NLRP11: variants seen among roughly 807,000 people sequenced by gnomAD.
The protein encoded by NLRP11 is NLR family pyrin domain containing 11, also known as NACHT, LRR and PYD domains-containing protein 11.
Under a neutral mutation model 79.3 loss-of-function variants are expected in NLRP11, and 53 were observed. That is an observed-to-expected ratio of 0.67 (90% CI 0.54 to 0.84). The LOEUF (loss-of-function observed/expected upper bound fraction) is 0.84. NLRP11 is among the 40% of genes least tolerant of loss of function. The pLI is 0.00. For synonymous variants in NLRP11, 518 were observed against 462.6 expected, an observed-to-expected ratio of 1.12 and a Z score of -1.54; for missense variants, 1,264 against 1,255.0, an observed-to-expected ratio of 1.01 and a Z score of -0.11.
intron 1 of NLRP11, among the ~76,000 whole-genome samples, chr19:55,822,717 C>T (rs1201149864): frequency 2.6e-5 from 4 of 152,170 alleles, no homozygotes; most frequent in East Asian, 1.9e-4. Context: ...GCTTAAAAAA[C>T]GGCGCACCAT....
intron 7 of NLRP11, among the ~76,000 whole-genome samples, 158 bp downstream of exon 7, chr19:55,792,143 T>C (rs1990268664): frequency 6.6e-6 from 1 of 152,176 alleles, no homozygotes; most frequent in African/African-American, 2.4e-5. Flanking sequence ...CAATGAATCT[T>C]ACCGTGCTTT....
chr19:55,792,384 C>T lies in NLRP11; in HGVS notation c.2430G>A (p.Leu810=), dbSNP rs150579936. ...CGTAATTTTTTAAGCGATTCACACA[C>T]AGGTCTAGTTGTCTTAGAGTTGGGC... The change falls in exon 7 of 10, where the codon CTG becomes CTA. Residue 810 remains leucine, a synonymous_variant. Coordinates refer to ENST00000589093, the Ensembl canonical transcript of NLRP11. The T allele has an allele frequency of 6.2e-6, 10 of 1,614,042 alleles. No individual in the cohort carries two copies. In the African/African-American group the frequency reaches 1.2e-4, roughly 19 times the overall value.
rs1163722141 is a variant in NLRP11, at chr19:55,788,796, A to C, written c.2855+11T>G. ...AATTTTCCCCATCACCAAGGAAAAT[A>C]AGCAACTTACCCAACTACCTTAAGT... On this transcript the variant is annotated intron_variant, in intron 9 of 9. Coordinates refer to ENST00000589093, the Ensembl canonical transcript of NLRP11. The C allele has an allele frequency of 6.4e-7, 1 of 1,568,200 alleles. No homozygotes were observed. The highest frequency in any genetic ancestry group is 8.6e-7 in the Non-Finnish European group (1 of 1,156,390).
chr19:55,791,475 C>T (rs971673947), intron 7 of NLRP11, among the ~76,000 whole-genome samples: 24 of 152,192 alleles, frequency 1.6e-4, no homozygotes, highest in African/African-American at 5.5e-4. Flanking sequence ...AGATACCATA[C>T]TGCTGAGCAT....
At chr19:55,807,168 A>G (rs1980079041) in intron 4 of NLRP11, among the ~76,000 whole-genome samples, 1 of 152,114 alleles carries the variant, frequency 6.6e-6, no homozygotes, top group Non-Finnish European at 1.5e-5. Context: ...AGCACCTCAA[A>G]CAAAGTAGGC....
At chr19:55,792,346 A>G (rs754582932) in exon 7 of NLRP11, 1 of 1,614,160 alleles carries the variant, frequency 6.2e-7, no homozygotes, top group South Asian at 1.1e-5. Flanking sequence ...GGGAAACGTC[A>G]CATGCAACAC....
intron 6 of NLRP11, among the ~76,000 whole-genome samples, chr19:55,794,132 C>A (rs1465265378): frequency 6.6e-6 from 1 of 152,138 alleles, no homozygotes; most frequent in African/African-American, 2.4e-5. Flanking sequence ...TCCATGCCAA[C>A]AATCTAAGGT....
intron 1 of NLRP11, among the ~76,000 whole-genome samples, chr19:55,829,660 A>G (rs955767328): frequency 9.5e-5 from 2 of 21,030 alleles, no homozygotes; most frequent in African/African-American, 3.2e-4. Context: ...CTCCGTCTCA[A>G]AAAAAAAAAA....
chr19:55,809,202 G>T lies in NLRP11; in HGVS notation c.1408C>A (p.Leu470Met). The T allele has an allele frequency of 6.2e-7, 1 of 1,613,722 alleles. No homozygotes were observed. Among genetic ancestry groups the T allele is most frequent in the South Asian group, 1.1e-5 (1 of 91,076 alleles). ...TACTCTCTGCTGCCTGAGGGGATCA[G>T]ATAGTTGGGTACTGCCATCAGAAAT... The change falls in exon 3 of 10, where the codon CTG (leucine) becomes ATG (methionine). Residue 470 changes from leucine to methionine, a missense_variant. By Grantham distance (15) the Leu-to-Met change is conservative. Coordinates refer to ENST00000589093, the Ensembl canonical transcript of NLRP11. This position sits in a 1 kb window ranked among gnomAD's most constrained non-coding sequence, Gnocchi z 4.5.
At chr19:55,795,768 G>A (rs150192705) in intron 6 of NLRP11, among the ~76,000 whole-genome samples, 5 of 152,108 alleles carry the variant, frequency 3.3e-5, no homozygotes, top group South Asian at 2.1e-4. Context: ...AATTACAGGC[G>A]TGAGCCACCG....
upstream of NLRP11, among the ~76,000 whole-genome samples, chr19:55,834,342 A>G (rs1189711170): frequency 6.6e-6 from 1 of 152,214 alleles, no homozygotes; most frequent in East Asian, 1.9e-4. Flanking sequence ...AAACAATGAA[A>G]AGGTATTTCA....
chr19:55,785,985 A>C, intron 9 of NLRP11, 114 bp from the exon 10 acceptor site: 70 of 1,151,760 alleles, frequency 6.1e-5, no homozygotes, highest in Non-Finnish European at 7.8e-5. Context: ...GGAGTATCTC[A>C]AGCCATCTCT....
At chr19:55,816,645 G>C (rs1313749892) in intron 2 of NLRP11, among the ~76,000 whole-genome samples, 1 of 152,002 alleles carries the variant, frequency 6.6e-6, no homozygotes, top group Non-Finnish European at 1.5e-5. Flanking sequence ...TCTGTAGCTG[G>C]GTCTTATGGT....
chr19:55,805,245 G>A (rs1979874856), intron 4 of NLRP11, among the ~76,000 whole-genome samples: 2 of 152,070 alleles, frequency 1.3e-5, no homozygotes, highest in Non-Finnish European at 2.9e-5. Flanking sequence ...CTAGAGAAAA[G>A]AGTTAGGAAT....
At chr19:55,822,273 T>TAAAA (rs3073266) in intron 1 of NLRP11, among the ~76,000 whole-genome samples, 4 of 151,760 alleles carry the variant, frequency 2.6e-5, no homozygotes, top group African/African-American at 4.8e-5. Flanking sequence ...CAAAAAGAAA[T>TAAAA]AAAAAAAGAT....
chr19:55,803,077 A>G (rs1484046362), intron 4 of NLRP11, among the ~76,000 whole-genome samples: 2 of 152,194 alleles, frequency 1.3e-5, no homozygotes, highest in Admixed American at 6.5e-5. Context: ...CGCTGGGCAC[A>G]GTGACTCATG....
At chr19:55,801,481 G>T in intron 5 of NLRP11, 91 bp downstream of exon 5, 1 of 947,746 alleles carries the variant, frequency 1.1e-6, no homozygotes, top group Non-Finnish European at 1.7e-6. Context: ...AAAGGTAGGA[G>T]CAGGTAGTGT....
In NLRP11 at chr19:55,809,984, T is replaced by G; in HGVS notation, c.626A>C (p.Asp209Ala). 1 of 1,614,166 alleles carries G rather than the reference T, an allele frequency of 6.2e-7. No individual in the cohort carries two copies. The highest frequency in any genetic ancestry group is 8.5e-7 in the Non-Finnish European group (1 of 1,179,986). Residue 209 changes from aspartate (D) to alanine (A), a missense_variant, in exon 3 of 10, where the codon GAC (aspartate) becomes GCC (alanine). Coordinates refer to ENST00000589093, the Ensembl canonical transcript of NLRP11. The surrounding 1 kb of genome is among the most constrained non-coding windows in gnomAD (Gnocchi z 4.5). ...GATGTCTGCAATGGGAGCCTGGCCG[T>G]CAGGCCAGTCCTTGGCGATTAGCTC...
At chr19:55,786,407 C>T (rs1311803987) in intron 9 of NLRP11, among the ~76,000 whole-genome samples, 1 of 152,050 alleles carries the variant, frequency 6.6e-6, no homozygotes, top group African/African-American at 2.4e-5. Flanking sequence ...TGCCTGTGGT[C>T]CCAGCTATTT....
Sources: gnomAD v4.1 joint callset for allele counts (sites outside exome capture counted in the v4.1 genomes callset) on GRCh38, gnomAD v4.1.1 for gene constraint, Gnocchi (gnomAD v3.1) non-coding constraint, MANE v1.5 for transcripts, NCBI Gene and HGNC (gene_info 2026-07-23, HGNC 2026-07-21) for gene names.